PLBD1: variants seen among roughly 807,000 people sequenced by gnomAD.
PLBD1 encodes the protein lysosomal leucine aminopeptidase.
Under a neutral mutation model 63.0 loss-of-function variants are expected in PLBD1, and 60 were observed. That is an observed-to-expected ratio of 0.95 (90% CI 0.77 to 1.18). The LOEUF (loss-of-function observed/expected upper bound fraction) is 1.18. PLBD1 is among the 50% of genes most tolerant of loss of function. PLBD1 has a pLI of 0.00. For synonymous variants in PLBD1, 262 were observed against 248.0 expected (o/e 1.06, Z -0.53); for missense variants, 598 against 677.9 (o/e 0.88, Z 1.31).
At chr12:14,527,285 G>A (rs534945438) in intron 6 of PLBD1, among the ~76,000 whole-genome samples, 1 of 151,978 alleles carries the variant, frequency 6.6e-6, no homozygotes, top group Admixed American at 6.6e-5. Flanking sequence ...TTAGCTTATG[G>A]CACCAATTTA....
rs1945507096 is a variant in PLBD1 at position 14,535,700 on chromosome 12, T to C, written c.803A>G (p.Lys268Arg). 6.2e-7 allele frequency: 1 copy of C among 1,613,934 alleles called. No homozygotes were observed. The highest frequency in any genetic ancestry group is 1.7e-5 in the Admixed American group (1 of 59,996). The change falls in exon 6 of 11, where the codon AAA becomes AGA. Residue 268 changes from lysine (K) to arginine (R), a missense_variant. Physicochemically the swap from Lys to Arg is conservative, Grantham distance 26. Transcript: ENST00000240617. ...YKHWDFNVID[K>R]DTSSSRLSFS... ...AGAGAGGCGACTACTGCTGGTATCT[T>C]TATCTATGACGTTGAAGTCCCAGTG...
chr12:14,539,230 T>C lies in PLBD1; in HGVS notation c.558+1534A>G, dbSNP rs375419848. On this transcript the variant is annotated intron_variant, in intron 4 of 10. Coordinates refer to ENST00000240617, the MANE Select transcript of PLBD1 (RefSeq NM_024829.6). The stretch of plus-strand genomic sequence containing the variant: ...TTATACATCTGAAAGAATAAAGATG[T>C]ATACATACCATTTAAGGAAAAATAA... Among the ~76,000 whole-genome samples, 22 of 152,190 alleles carry C rather than the reference T, an allele frequency of 1.4e-4. No homozygotes were observed. In the East Asian group the frequency reaches 2.7e-3, roughly 19 times the overall value.
At chr12:14,555,329 G>A (rs1945694030) in intron 1 of PLBD1, among the ~76,000 whole-genome samples, 2 of 152,146 alleles carry the variant, frequency 1.3e-5, no homozygotes, top group African/African-American at 4.8e-5. Context: ...CCTGAGGTCA[G>A]GGGTTCGCGA....
chr12:14,510,427 A>G (rs563881495), intron 8 of PLBD1, among the ~76,000 whole-genome samples: 2 of 152,250 alleles, frequency 1.3e-5, no homozygotes, highest in Non-Finnish European at 2.9e-5. Context: ...AAAACCACTA[A>G]AAGTTTCTTT....
chr12:14,504,073 G>T (rs982436829), intron 10 of PLBD1, 119 bp from the exon 11 acceptor site: 2 of 965,356 alleles, frequency 2.1e-6, no homozygotes, highest in South Asian at 1.7e-5. Context: ...TTTTGAGTCG[G>T]AGTTTCGCTC....
chr12:14,518,088 C>T (rs1430009292), intron 6 of PLBD1, among the ~76,000 whole-genome samples: 1 of 151,964 alleles, frequency 6.6e-6, no homozygotes, highest in African/African-American at 2.4e-5. Flanking sequence ...GGCTGAGGCA[C>T]GAGAATCACT....
Position 14,553,390 on chromosome 12 carries a change from G to A in PLBD1, c.138C>T (p.Tyr46=). The A allele has an allele frequency of 6.2e-7, 1 of 1,614,026 alleles. No homozygotes were observed. The highest frequency in any genetic ancestry group is 8.5e-7 in the Non-Finnish European group (1 of 1,179,878). Residue 46 remains tyrosine, a synonymous_variant, in exon 2 of 11, where the codon TAC becomes TAT. Transcript: ENST00000240617. ...GTACTGTCTTTTCAGCAGGCATCCA[G>A]TATGCAGTTGCATAGTAGACTCCTA... is the stretch of plus-strand genomic sequence containing the variant. ...KPAGVYYATA[Y]WMPAEKTVQV...
chr12:14,553,098 T>A, intron 2 of PLBD1, 95 bp downstream of exon 2: 4 of 1,126,182 alleles, frequency 3.6e-6, no homozygotes, highest in Non-Finnish European at 5.2e-6. Context: ...ACTCTTCAGT[T>A]CTAATGTGCA....
chr12:14,534,754 G>A (rs1466834679), intron 6 of PLBD1, among the ~76,000 whole-genome samples: 3 of 152,126 alleles, frequency 2.0e-5, no homozygotes, highest in African/African-American at 7.2e-5. Context: ...GTGTTAGCCA[G>A]GATGGTCTCA....
At chr12:14,513,477 G>A (rs1170735332) in intron 6 of PLBD1, among the ~76,000 whole-genome samples, 2 of 152,154 alleles carry the variant, frequency 1.3e-5, no homozygotes, top group Admixed American at 6.5e-5. Context: ...CCAGCCCTAT[G>A]CATGCTATTA....
intron 1 of PLBD1, among the ~76,000 whole-genome samples, chr12:14,561,479 G>A (rs1265071005): frequency 1.3e-5 from 2 of 152,066 alleles, no homozygotes; most frequent in Non-Finnish European, 2.9e-5. Flanking sequence ...ATGAGAGGTG[G>A]AGTCTCACAT....
chr12:14,562,214 T>G (rs533170295), intron 1 of PLBD1, among the ~76,000 whole-genome samples: 15 of 152,198 alleles, frequency 9.9e-5, no homozygotes, highest in African/African-American at 2.2e-4. Flanking sequence ...ATCCCAGCAC[T>G]TTGGAGGCCA....
rs370620828 is a variant in PLBD1, at chr12:14,512,304, A to ACCC, written c.845-594_845-593insGGG. Reference sequence around the variant, plus strand: ...GCTGGGGTTACAGGTGTGCACCACCACACCTGGCTAATTTTTGTATTTTTA... The same window carrying ACCC: ...GCTGGGGTTACAGGTGTGCACCACCACCCCACCTGGCTAATTTTTGTATTTTTA... On this transcript the variant is annotated intron_variant, in intron 6 of 10. Coordinates refer to ENST00000240617, the MANE Select transcript of PLBD1 (RefSeq NM_024829.6). Among the ~76,000 whole-genome samples the ACCC allele has an allele frequency of 3.1e-3, 470 of 152,064 alleles. 3 individuals are homozygous for ACCC. The highest frequency in any genetic ancestry group is 0.011 in the African/African-American group (454 of 41,484).
At chr12:14,558,895 A>G (rs571085753) in intron 1 of PLBD1, among the ~76,000 whole-genome samples, 4 of 152,200 alleles carry the variant, frequency 2.6e-5, no homozygotes, top group South Asian at 2.1e-4. Context: ...TCAATCCCCA[A>G]GAGATTTTGG....
At chr12:14,560,907 T>C (rs1305419346) in intron 1 of PLBD1, among the ~76,000 whole-genome samples, 3 of 151,942 alleles carry the variant, frequency 2.0e-5, no homozygotes, top group African/African-American at 4.8e-5. Flanking sequence ...GAAATCTTCA[T>C]CCCAGGGATG....
chr12:14,545,814 A>G (rs1011835090), intron 2 of PLBD1, among the ~76,000 whole-genome samples: 2 of 151,228 alleles, frequency 1.3e-5, no homozygotes, highest in Middle Eastern at 6.3e-3. Flanking sequence ...ACCTCATGAG[A>G]TTTTTTTTTC....
At chr12:14,546,333 T>C (rs1364314228) in intron 2 of PLBD1, among the ~76,000 whole-genome samples, 1 of 147,884 alleles carries the variant, frequency 6.8e-6, no homozygotes, top group Non-Finnish European at 1.5e-5. Flanking sequence ...AAAAAAAAAA[T>C]GAAAAACAAA....
intron 3 of PLBD1, 46 bp downstream of exon 3, chr12:14,542,162 C>T: frequency 6.8e-7 from 1 of 1,461,666 alleles, no homozygotes; most frequent in South Asian, 1.1e-5. Context: ...AGATTCAGTG[C>T]CTCCAACATT....
chr12:14,543,155 C>T (rs1945589263), intron 2 of PLBD1, among the ~76,000 whole-genome samples: 1 of 151,276 alleles, frequency 6.6e-6, no homozygotes. Context: ...TTTATTTGTC[C>T]CCTCTTTCAT....
Sources: gnomAD v4.1 joint callset for allele counts (sites outside exome capture counted in the v4.1 genomes callset) on GRCh38, gnomAD v4.1.1 for gene constraint, MANE v1.5 for transcripts, NCBI Gene and HGNC (gene_info 2026-07-23, HGNC 2026-07-21) for gene names.